The following ASS1 variants were observed in gnomAD, a reference collection of about 807,000 sequenced individuals.
The protein encoded by ASS1 is argininosuccinate synthase 1, also known as argininosuccinate synthase.
Under a neutral mutation model 60.5 loss-of-function variants are expected in ASS1, and 58 were observed. That is an observed-to-expected ratio of 0.96 (90% confidence interval 0.78 to 1.19). ASS1 has a LOEUF of 1.19. Among genes scored for constraint, ASS1 ranks in the 50% most tolerant of loss-of-function variants. The pLI is 0.00. For missense variants in ASS1, 454 were observed against 547.3 expected, an observed-to-expected ratio of 0.83 and a Z score of 1.70; for synonymous variants, 200 against 206.9, an observed-to-expected ratio of 0.97 and a Z score of 0.29.
In ASS1 at chr9:130,454,454, A is replaced by T. The variant is rs1487989792; in HGVS notation, c.174+81A>T. 3 of 1,392,194 alleles carry T rather than the reference A, an allele frequency of 2.2e-6. No homozygotes were observed. The East Asian group carries it at 7.2e-5, about 34-fold the overall frequency. The allele number at this position is 1,392,194 out of a possible 1,614,324, so 86.2% of individuals were successfully genotyped here. On this transcript the variant is annotated intron_variant, in intron 3 of 14. Coordinates refer to ENST00000352480, the MANE Select transcript of ASS1 (RefSeq NM_054012.4). ...AGTGGTGGATGCTCCTGCCCCAGGG[A>T]TCCCATCCCTTCCAGTGTGTCTTCT...
At chr9:130,468,524 A>G (rs1286117425) in intron 6 of ASS1, among the ~76,000 whole-genome samples, 1 of 152,010 alleles carries the variant, frequency 6.6e-6, no homozygotes, top group African/African-American at 2.4e-5. Context: ...TGACCCTCCT[A>G]CCTCAGCCTC....
intron 13 of ASS1, among the ~76,000 whole-genome samples, chr9:130,495,678 TC>T (rs1846581812): frequency 6.6e-6 from 1 of 152,018 alleles, no homozygotes; most frequent in African/African-American, 2.4e-5. Flanking sequence ...TAGAGGGTCC[TC>T]CTGGCTGCTC....
At position 130,469,070 on chromosome 9, in the gene ASS1, C is replaced by T. The variant is rs77761250; in HGVS notation, c.496-1764C>T. 6.5e-3 allele frequency among the ~76,000 whole-genome samples: 994 copies of T among 152,318 alleles called. 7 individuals carry two copies. Among genetic ancestry groups the T allele is most frequent in the African/African-American group, 0.017 (725 of 41,572 alleles). ...GAGAAGGGAGGCAAAGGTTCTTTCA[C>T]GCCACCGCCCAAAAACAGAGGCTCC... On this transcript the variant is annotated intron_variant, in intron 6 of 14. Transcript: ENST00000352480.
intron 8 of ASS1, among the ~76,000 whole-genome samples, chr9:130,472,690 G>A (rs1242774857): frequency 6.6e-6 from 1 of 152,198 alleles, no homozygotes; most frequent in African/African-American, 2.4e-5. Flanking sequence ...GCTGCCTGCT[G>A]GTCACAGGTT....
At chr9:130,479,111 C>G (rs1201385813) in intron 9 of ASS1, among the ~76,000 whole-genome samples, 2 of 152,146 alleles carry the variant, frequency 1.3e-5, no homozygotes, top group East Asian at 3.9e-4. Context: ...TGCCCCCACC[C>G]AACCCCTTCC....
In ASS1 at chr9:130,491,303, G is replaced by A. The variant is rs1253371911; in HGVS notation, c.970+1839G>A. 6.6e-6 allele frequency among the ~76,000 whole-genome samples: 1 copy of A among 152,192 alleles called. No homozygotes were observed. Among genetic ancestry groups the A allele is most frequent in the Non-Finnish European group, 1.5e-5 (1 of 68,040 alleles). ...AGTGAGAGAGTCATTAAGACGTGGC[G>A]GAGGAGAGAGCACCTGGCCGGGCTG... On this transcript the variant is annotated intron_variant, in intron 12 of 14. Transcript: ENST00000352480. This position sits in a 1 kb window ranked among gnomAD's most constrained non-coding sequence, Gnocchi z 5.3.
chr9:130,454,924 T>C (rs111065679), intron 3 of ASS1, among the ~76,000 whole-genome samples: 4,916 of 149,584 alleles, frequency 0.033, 273 homozygotes, highest in African/African-American at 0.11. Flanking sequence ...CCATTATCCA[T>C]CCATCCATTC....
chr9:130,450,572 A>C (rs1238017242), intron 1 of ASS1, among the ~76,000 whole-genome samples: 1 of 152,156 alleles, frequency 6.6e-6, no homozygotes, highest in Non-Finnish European at 1.5e-5. Flanking sequence ...TTCCCCTTCT[A>C]AGTCCAAAGG....
chr9:130,496,264 T>TA (rs1445888579), intron 13 of ASS1, among the ~76,000 whole-genome samples: 8 of 151,364 alleles, frequency 5.3e-5, no homozygotes, highest in Non-Finnish European at 1.2e-4. Flanking sequence ...CTACTAAAAA[T>TA]AAAAAAATTA....
At chr9:130,486,270 T>C (rs1287704050) in intron 11 of ASS1, among the ~76,000 whole-genome samples, 2 of 152,100 alleles carry the variant, frequency 1.3e-5, no homozygotes, top group Non-Finnish European at 2.9e-5. Flanking sequence ...TTTTTTAATT[T>C]TTTGGTAGAG....
rs763261537 is a variant in ASS1, at chr9:130,477,439, G to A, written c.688+478G>A. ...CTGGGACCCCACATGGAAAGCCTTC[G>A]CCAGTCTTCATTGAGCCGCTCTGGG... On this transcript the variant is annotated intron_variant, in intron 9 of 14. Coordinates refer to ENST00000352480, the MANE Select transcript of ASS1 (RefSeq NM_054012.4). This position sits in a 1 kb window ranked among gnomAD's most constrained non-coding sequence, Gnocchi z 4.2. Among the ~76,000 whole-genome samples, 2 of 152,166 alleles carry A rather than the reference G, an allele frequency of 1.3e-5. No homozygotes were observed. The highest frequency in any genetic ancestry group is 1.9e-4 in the East Asian group (1 of 5,190).
chr9:130,466,642 G>A, intron 5 of ASS1, 83 bp from the exon 6 acceptor site: 3 of 1,400,322 alleles, frequency 2.1e-6, no homozygotes, highest in Non-Finnish European at 3.0e-6. Context: ...GCCCCTCCCA[G>A]GAGAGGCCAG....
chr9:130,497,114 C>T (rs1425585147), intron 13 of ASS1, among the ~76,000 whole-genome samples: 2 of 152,198 alleles, frequency 1.3e-5, no homozygotes, highest in Non-Finnish European at 2.9e-5. Context: ...CTCTCTCTGG[C>T]TCTTTCTTCC....
At chr9:130,480,877 G>A (rs1202413574) in intron 11 of ASS1, among the ~76,000 whole-genome samples, 1 of 152,254 alleles carries the variant, frequency 6.6e-6, no homozygotes, top group Non-Finnish European at 1.5e-5. Context: ...GGGCGCTGTG[G>A]CTGCACAGGC....
At position 130,476,641 on chromosome 9, in the gene ASS1, G is replaced by A. The variant is rs1162052069; in HGVS notation, c.598-230G>A. 1 of 599,890 alleles carries A rather than the reference G, an allele frequency of 1.7e-6. No homozygotes were observed. Among genetic ancestry groups the A allele is most frequent in the Non-Finnish European group, 3.0e-6 (1 of 336,064 alleles). 37.2% of individuals were successfully genotyped at this position (599,890 alleles called of 1,614,324 possible). A position where few individuals can be genotyped will look rare whatever the true frequency, so the allele number is the denominator to read the frequency against. ...GTGGGGGCGTCGAAGAAAAAGATGA[G>A]ATCAAGTTGAGGGGAAAAATTGTCT... On this transcript the variant is annotated intron_variant, in intron 8 of 14. Coordinates refer to ENST00000352480, the MANE Select transcript of ASS1 (RefSeq NM_054012.4). This position sits in a 1 kb window ranked among gnomAD's most constrained non-coding sequence, Gnocchi z 4.9.
chr9:130,449,811 C>A (rs183821665), intron 1 of ASS1, among the ~76,000 whole-genome samples: 1 of 152,212 alleles, frequency 6.6e-6, no homozygotes, highest in Non-Finnish European at 1.5e-5. Context: ...CGGGCGCATC[C>A]GCACGCCGAA....
chr9:130,490,167 A>C (rs1419173408), intron 12 of ASS1, among the ~76,000 whole-genome samples: 5 of 152,230 alleles, frequency 3.3e-5, no homozygotes, highest in African/African-American at 1.2e-4. Context: ...ATGCCTTGGA[A>C]TCCAGGCCTC....
intron 11 of ASS1, among the ~76,000 whole-genome samples, chr9:130,484,242 C>T (rs1846245922): frequency 6.6e-6 from 1 of 152,182 alleles, no homozygotes; most frequent in Non-Finnish European, 1.5e-5. Context: ...AGTCCAGGTG[C>T]CCTCACCTCC....
chr9:130,458,549 G>A lies in ASS1; in HGVS notation c.323G>A (p.Arg108Gln), dbSNP rs35269064. The change falls in exon 4 of 15, where the codon CGG becomes CAG. Residue 108 changes from arginine to glutamine, a missense_variant. By Grantham distance (43) the Arg-to-Gln change is conservative. Transcript: ENST00000352480. ...IARKQVEIAQ[R>Q]EGAKYVSHGA... ...CGCAAACAAGTGGAAATCGCCCAGC[G>A]GGAGGGGGCCAAGTATGTGTCCCAC... 6.2e-6 allele frequency: 10 copies of A among 1,613,244 alleles called. No homozygotes were observed. The East Asian group carries it at 6.7e-5, about 11-fold the overall frequency.
Sources: allele counts gnomAD v4.1 joint callset (sites outside exome capture counted in the v4.1 genomes callset), GRCh38; gene constraint gnomAD v4.1.1; non-coding constraint Gnocchi (gnomAD v3.1); transcripts MANE v1.5; gene names NCBI Gene and HGNC (gene_info 2026-07-23, HGNC 2026-07-21).